CCSER1: variants seen among roughly 807,000 people sequenced by gnomAD.
CCSER1 encodes the protein serine-rich coiled-coil domain-containing protein 1.
Under a neutral mutation model 82.0 loss-of-function variants are expected in CCSER1, and 41 were observed. The ratio of observed to expected loss-of-function variants is 0.50; its 90% CI spans 0.39 to 0.65. The LOEUF is 0.65. Ranked by LOEUF, CCSER1 falls within the 30% of genes least tolerant of loss-of-function variation. The probability of loss-of-function intolerance (pLI) is 0.00; values close to 1 mark genes in which losing one functional copy is unlikely to be tolerated. For synonymous variants in CCSER1, 414 were observed against 383.9 expected, an observed-to-expected ratio of 1.08 and a Z score of -0.92; for missense variants, 1,119 against 1,064.2, an observed-to-expected ratio of 1.05 and a Z score of -0.72.
At chr4:90,427,156 A>G (rs571595428) in intron 4 of CCSER1, among the ~76,000 whole-genome samples, 2 of 152,122 alleles carry the variant, frequency 1.3e-5, no homozygotes, top group South Asian at 2.1e-4. Flanking sequence ...CCTAGTGGAA[A>G]CTAATATAGA....
At chr4:90,298,443 A>G (rs1177584273) in intron 1 of CCSER1, among the ~76,000 whole-genome samples, 2 of 151,036 alleles carry the variant, frequency 1.3e-5, no homozygotes, top group Non-Finnish European at 3.0e-5. Context: ...TCAAAAAACC[A>G]GCTCCTGGAT....
At chr4:90,209,909 T>TAA (rs1398007562) in intron 1 of CCSER1, among the ~76,000 whole-genome samples, 1 of 152,122 alleles carries the variant, frequency 6.6e-6, no homozygotes, top group African/African-American at 2.4e-5. Flanking sequence ...CATCCCCTTA[T>TAA]ATGTTTTGTT....
intron 9 of CCSER1, among the ~76,000 whole-genome samples, chr4:91,046,063 A>G (rs1742451711): frequency 2.0e-5 from 3 of 151,986 alleles, no homozygotes; most frequent in Admixed American, 1.3e-4. Flanking sequence ...TTAAGGCAGG[A>G]ACCGGCCATT....
chr4:91,584,453 A>G (rs1189111173), intron 10 of CCSER1, among the ~76,000 whole-genome samples: 1 of 151,516 alleles, frequency 6.6e-6, no homozygotes, highest in Non-Finnish European at 1.5e-5. Context: ...CATAGGATCC[A>G]GTAAAAAACA....
intron 6 of CCSER1, among the ~76,000 whole-genome samples, chr4:90,702,387 A>T (rs142799168): frequency 0.011 from 1,659 of 152,264 alleles, 33 homozygotes; most frequent in African/African-American, 0.038. Context: ...TATTTTATTG[A>T]GGATTTTTTC....
chr4:90,287,213 C>G (rs1319521754), intron 1 of CCSER1, among the ~76,000 whole-genome samples: 1 of 151,256 alleles, frequency 6.6e-6, no homozygotes, highest in East Asian at 2.0e-4. Context: ...AAAAAAAAAC[C>G]CTACAAAATA....
intron 1 of CCSER1, among the ~76,000 whole-genome samples, chr4:90,271,850 ATATATATATATATTT>A (rs1485085334): frequency 4.3e-5 from 1 of 23,140 alleles, no homozygotes; most frequent in Non-Finnish European, 6.6e-5. Context: ...ATATATATAT[ATATATATATATATTT>A]TTTTTTTTTT....
At chr4:90,651,540 G>A (rs1728741158) in intron 6 of CCSER1, among the ~76,000 whole-genome samples, 1 of 152,154 alleles carries the variant, frequency 6.6e-6, no homozygotes, top group Non-Finnish European at 1.5e-5. Flanking sequence ...GGTCTGTCAG[G>A]TGGTGGGGGA....
intron 10 of CCSER1, among the ~76,000 whole-genome samples, chr4:91,260,443 A>G (rs929736274): frequency 1.3e-5 from 2 of 152,170 alleles, no homozygotes; most frequent in Non-Finnish European, 2.9e-5. Flanking sequence ...AATCCTCTTA[A>G]CTAGCCTGTA....
chr4:91,367,437 T>TC (rs1311456707), intron 10 of CCSER1, among the ~76,000 whole-genome samples: 4 of 148,830 alleles, frequency 2.7e-5, no homozygotes, highest in Non-Finnish European at 5.9e-5. Context: ...TTTCTTTCTT[T>TC]TTTTTTTTTT....
chr4:90,777,326 C>A (rs1219944439), intron 7 of CCSER1, among the ~76,000 whole-genome samples: 1 of 130,502 alleles, frequency 7.7e-6, no homozygotes, highest in African/African-American at 2.9e-5. Flanking sequence ...CATTGTACTC[C>A]AGCCTGGGCT....
chr4:91,422,985 A>C (rs1753762922), intron 10 of CCSER1, among the ~76,000 whole-genome samples: 1 of 152,170 alleles, frequency 6.6e-6, no homozygotes, highest in Non-Finnish European at 1.5e-5. Context: ...GCTACTAAAA[A>C]TAAAATTCAC....
intron 5 of CCSER1, among the ~76,000 whole-genome samples, chr4:90,493,747 A>C (rs912120969): frequency 1.3e-5 from 2 of 152,192 alleles, no homozygotes; most frequent in Admixed American, 6.5e-5. Context: ...TCCTGCCCTA[A>C]AAGAGCTCCT....
At chr4:90,826,023 G>A (rs1760389511) in intron 8 of CCSER1, among the ~76,000 whole-genome samples, 1 of 151,994 alleles carries the variant, frequency 6.6e-6, no homozygotes. Flanking sequence ...CTTTGAATAG[G>A]AACAAGGAAA....
chr4:91,170,717 C>A (rs1376896431), intron 10 of CCSER1, among the ~76,000 whole-genome samples: 2 of 152,106 alleles, frequency 1.3e-5, no homozygotes, highest in Non-Finnish European at 2.9e-5. Flanking sequence ...CCATAAATGA[C>A]CTTTATTAGT....
chr4:90,412,382 G>A (rs1560478050), intron 4 of CCSER1, among the ~76,000 whole-genome samples: 2 of 150,798 alleles, frequency 1.3e-5, no homozygotes, highest in African/African-American at 4.9e-5. Flanking sequence ...GAGTTGATGG[G>A]TGCAGCACAC....
At chr4:91,085,821 A>G in intron 9 of CCSER1, 129 bp from the exon 10 acceptor site, 1 of 630,214 alleles carries the variant, frequency 1.6e-6, no homozygotes, top group Non-Finnish European at 2.8e-6. Context: ...TGAGATAGTC[A>G]TCTATATTCA....
intron 8 of CCSER1, among the ~76,000 whole-genome samples, chr4:90,817,175 G>T (rs1759134137): frequency 5.9e-5 from 9 of 151,632 alleles, no homozygotes; most frequent in Admixed American, 5.9e-4. Flanking sequence ...TTTTTACGTT[G>T]CATACAAAAA....
At chr4:91,293,749 A>G (rs544362058) in intron 10 of CCSER1, among the ~76,000 whole-genome samples, 22 of 152,086 alleles carry the variant, frequency 1.4e-4, no homozygotes, top group African/African-American at 5.3e-4. Context: ...TATAAACCAG[A>G]GAATGAGTTT....
Sources: allele counts gnomAD v4.1 joint callset (sites outside exome capture counted in the v4.1 genomes callset), GRCh38; gene constraint gnomAD v4.1.1; transcripts MANE v1.5; gene names NCBI Gene and HGNC (gene_info 2026-07-23, HGNC 2026-07-21).